Variants in USP34 observed in about 807,000 individuals in gnomAD.
The protein encoded by USP34 is ubiquitin specific peptidase 34.
USP34 carries 70 observed loss-of-function variants against 460.3 expected under a neutral mutation model. The ratio of observed to expected loss-of-function variants is 0.15; its 90% CI spans 0.13 to 0.19. The LOEUF is 0.19. Among genes scored for constraint, USP34 ranks in the 10% least tolerant of loss-of-function variants. The pLI is 1.00. For synonymous variants in USP34, 1,647 were observed against 1,405.3 expected, an observed-to-expected ratio of 1.17 and a Z score of -3.85; for missense variants, 3,985 against 4,236.2, an observed-to-expected ratio of 0.94 and a Z score of 1.65.
chr2:61,418,546 T>C (rs1694264837), intron 2 of USP34, among the ~76,000 whole-genome samples: 4 of 152,230 alleles, frequency 2.6e-5, no homozygotes, highest in African/African-American at 9.6e-5. Flanking sequence ...ACGCTAAGGT[T>C]CACTTATGGA....
At position 61,420,774 on chromosome 2, in the gene USP34, A is replaced by G. The variant is rs867736028; in HGVS notation, c.103T>C (p.Phe35Leu). ...QLRKEHTLKI[F>L]TYINSWTQRQ... is the part of the protein sequence containing the mutation. ...TGTGTCCAGGAATTGATATAAGTAA[A>G]TATTTTGAGAGTATGTTCCTTTCTG... is the stretch of plus-strand genomic sequence containing the variant. Residue 35 changes from phenylalanine (F) to leucine (L), a missense_variant, in exon 2 of 80, where the codon TTT becomes CTT. Phe to Leu is a conservative substitution (Grantham distance 22). Transcript: ENST00000398571. The G allele has an allele frequency of 1.9e-6, 3 of 1,611,090 alleles. No homozygotes were observed. Among genetic ancestry groups the G allele is most frequent in the African/African-American group, 1.3e-5 (1 of 74,996 alleles).
intron 31 of USP34, 27 bp from the exon 32 acceptor site, chr2:61,295,059 C>T (rs1489133888): frequency 6.2e-7 from 1 of 1,604,768 alleles, no homozygotes; most frequent in Non-Finnish European, 8.5e-7. Context: ...AAAAGTAAGG[C>T]AGAATGGCGG....
intron 43 of USP34, among the ~76,000 whole-genome samples, chr2:61,262,116 AAT>A (rs70963406): frequency 0.051 from 2,402 of 47,174 alleles, 108 homozygotes; most frequent in Non-Finnish European, 0.057. Context: ...AAAAAAAAAA[AAT>A]ATATATATAT....
At chr2:61,266,862 G>A (rs1000650763) in intron 41 of USP34, among the ~76,000 whole-genome samples, 1 of 152,162 alleles carries the variant, frequency 6.6e-6, no homozygotes, top group Non-Finnish European at 1.5e-5. Flanking sequence ...TAAGTAAACA[G>A]CTCCCTACAT....
intron 22 of USP34, 146 bp from the exon 23 acceptor site, chr2:61,317,913 T>C: frequency 6.5e-6 from 4 of 614,374 alleles, no homozygotes; most frequent in African/African-American, 1.9e-5. Flanking sequence ...AATAAAAATA[T>C]ATAATAATTT....
chr2:61,461,310 T>C (rs977217542), intron 1 of USP34, among the ~76,000 whole-genome samples: 2 of 151,566 alleles, frequency 1.3e-5, no homozygotes, highest in African/African-American at 2.4e-5. Flanking sequence ...GGAGAATCAC[T>C]TGAACCTGGG....
chr2:61,283,138 A>G lies in USP34; in HGVS notation c.4998+7T>C. On this transcript the variant is annotated splice_region_variant and intron_variant, in intron 37 of 79. Transcript: ENST00000398571. ...ATAACAGTACTAACCTTCAATCTTT[A>G]TCTTACCTCAGGAATAAGGAGAGTC... is the stretch of plus-strand genomic sequence containing the variant. 1 of 1,612,596 alleles carries G rather than the reference A, an allele frequency of 6.2e-7. No individual in the cohort carries two copies. Among genetic ancestry groups the G allele is most frequent in the Non-Finnish European group, 8.5e-7 (1 of 1,179,308 alleles).
intron 1 of USP34, among the ~76,000 whole-genome samples, chr2:61,446,627 C>G (rs556287999): frequency 5.8e-4 from 88 of 152,062 alleles, no homozygotes; most frequent in African/African-American, 1.8e-3. Context: ...GAAGCCCCAT[C>G]TCTACTAAAA....
intron 41 of USP34, among the ~76,000 whole-genome samples, chr2:61,273,216 T>C (rs753352666): frequency 6.6e-6 from 1 of 152,172 alleles, no homozygotes; most frequent in Non-Finnish European, 1.5e-5. Context: ...CATAAAACGA[T>C]TGGCTTTGCA....
At chr2:61,194,374 T>C (rs1021881638) in intron 75 of USP34, among the ~76,000 whole-genome samples, 1 of 151,784 alleles carries the variant, frequency 6.6e-6, no homozygotes, top group Non-Finnish European at 1.5e-5. Context: ...GGGAAGAGAG[T>C]TCCTACGTTC....
intron 5 of USP34, among the ~76,000 whole-genome samples, chr2:61,387,594 T>C (rs9677596): frequency 0.15 from 21,330 of 145,616 alleles, 1,820 homozygotes; most frequent in South Asian, 0.36. Context: ...TATATATTTA[T>C]ATATACACAC....
chr2:61,402,632 G>A (rs949250959), intron 3 of USP34, among the ~76,000 whole-genome samples: 4 of 152,148 alleles, frequency 2.6e-5, no homozygotes, highest in East Asian at 3.9e-4. Context: ...TAACACATGA[G>A]TTTTGAATCT....
At chr2:61,402,621 C>T (rs113310965) in intron 3 of USP34, among the ~76,000 whole-genome samples, 468 of 152,238 alleles carry the variant, frequency 3.1e-3, no homozygotes, top group Non-Finnish European at 5.5e-3. Context: ...TATCAAAATA[C>T]TAACACATGA....
intron 3 of USP34, among the ~76,000 whole-genome samples, chr2:61,396,169 A>G (rs1411796262): frequency 6.6e-6 from 1 of 152,190 alleles, no homozygotes; most frequent in East Asian, 1.9e-4. Context: ...ATGATTTTTG[A>G]AACTGCTTTG....
chr2:61,213,018 A>C (rs1687312059), intron 68 of USP34, among the ~76,000 whole-genome samples: 1 of 152,058 alleles, frequency 6.6e-6, no homozygotes, highest in African/African-American at 2.4e-5. Flanking sequence ...TCTTTCCTGC[A>C]TTGTAGGGAT....
intron 10 of USP34, among the ~76,000 whole-genome samples, chr2:61,364,289 G>T (rs1285397070): frequency 6.6e-6 from 1 of 152,174 alleles, no homozygotes; most frequent in Non-Finnish European, 1.5e-5. Flanking sequence ...TTGAGCCCAG[G>T]AGTTTTGAGG....
intron 7 of USP34, among the ~76,000 whole-genome samples, chr2:61,379,901 A>G (rs1024688366): frequency 6.6e-6 from 1 of 152,244 alleles, no homozygotes; most frequent in South Asian, 2.1e-4. Flanking sequence ...ATAAAAACCT[A>G]AATAGTTTAA....
intron 1 of USP34, among the ~76,000 whole-genome samples, chr2:61,437,399 T>C (rs901612812): frequency 2.0e-5 from 3 of 152,104 alleles, no homozygotes; most frequent in Non-Finnish European, 4.4e-5. Flanking sequence ...GCTGACCAAC[T>C]ACGCAGCAAT....
intron 10 of USP34, among the ~76,000 whole-genome samples, chr2:61,356,988 TAAA>T (rs1198678818): frequency 1.3e-5 from 2 of 152,066 alleles, no homozygotes; most frequent in Non-Finnish European, 2.9e-5. Context: ...AATAGAGAAA[TAAA>T]AAGTTCCACA....
Sources: gnomAD v4.1 joint callset for allele counts (sites outside exome capture counted in the v4.1 genomes callset) on GRCh38, gnomAD v4.1.1 for gene constraint, MANE v1.5 for transcripts, NCBI Gene and HGNC (gene_info 2026-07-23, HGNC 2026-07-21) for gene names.